The following SARDH variants were observed in gnomAD, a reference collection of about 807,000 sequenced individuals.
SARDH encodes sarcosine dehydrogenase, mitochondrial.
Under a neutral mutation model 109.1 loss-of-function variants are expected in SARDH, and 95 were observed. The ratio of observed to expected loss-of-function variants is 0.87; its 90% CI spans 0.74 to 1.03. The LOEUF (loss-of-function observed/expected upper bound fraction) is 1.03, where lower values mean the gene tolerates loss of function less well. Among genes scored for constraint, SARDH ranks in the 50% least tolerant of loss-of-function variants. The pLI, the probability that SARDH is intolerant of heterozygous loss-of-function variation, is 0.00. For synonymous variants in SARDH, 572 were observed against 534.8 expected, an observed-to-expected ratio of 1.07 and a Z score of -0.96; for missense variants, 1,267 against 1,287.8, an observed-to-expected ratio of 0.98 and a Z score of 0.25.
intron 17 of SARDH, among the ~76,000 whole-genome samples, chr9:133,675,562 C>G (rs1410353727): frequency 1.3e-5 from 2 of 152,092 alleles, no homozygotes; most frequent in East Asian, 1.9e-4. Flanking sequence ...TGTGGAGAAA[C>G]TGGAACCCTT....
intron 1 of SARDH, 21 bp from the exon 2 acceptor site, chr9:133,734,224 G>C: frequency 6.8e-7 from 1 of 1,463,966 alleles, no homozygotes; most frequent in Non-Finnish European, 9.1e-7. Context: ...AATCAGAGCT[G>C]GGTGGGGTGC....
intron 8 of SARDH, 44 bp from the exon 9 acceptor site, chr9:133,713,168 C>T: frequency 6.5e-7 from 1 of 1,548,402 alleles, no homozygotes; most frequent in Middle Eastern, 1.7e-4. Context: ...TTGCAGTGCA[C>T]ATACTCTTGG....
At chr9:133,735,362 G>A (rs73662185) in intron 1 of SARDH, among the ~76,000 whole-genome samples, 4,810 of 152,160 alleles carry the variant, frequency 0.032, 268 homozygotes, top group African/African-American at 0.11. Flanking sequence ...GACCCACCCC[G>A]ACTCCCTCCT....
rs1214030379 is a variant in SARDH at position 133,692,123 on chromosome 9, C to T, written c.1922-1596G>A. On this transcript the variant is annotated intron_variant, in intron 15 of 20. Coordinates refer to ENST00000439388, the MANE Select transcript of SARDH (RefSeq NM_001134707.2). This position sits in a 1 kb window ranked among gnomAD's most constrained non-coding sequence, Gnocchi z 5.0. ...GGCTCAGGGAGGCTGCTCCCCAGCC[C>T]TCCCAGCACCCCCAGACTCTGACTC... is the stretch of plus-strand genomic sequence containing the variant. 1.3e-5 allele frequency among the ~76,000 whole-genome samples: 2 copies of T among 152,318 alleles called. No individual in the cohort carries two copies. The highest frequency in any genetic ancestry group is 2.9e-5 in the Non-Finnish European group (2 of 68,014).
At chr9:133,726,490 G>A (rs960103075) in intron 6 of SARDH, among the ~76,000 whole-genome samples, 1 of 151,986 alleles carries the variant, frequency 6.6e-6, no homozygotes, top group Non-Finnish European at 1.5e-5. Flanking sequence ...GCAGGACAGT[G>A]GGGACACCTG....
intron 3 of SARDH, among the ~76,000 whole-genome samples, chr9:133,731,742 A>C (rs535456968): frequency 1.3e-5 from 2 of 152,238 alleles, no homozygotes; most frequent in South Asian, 4.1e-4. Flanking sequence ...CCTGGGGCAA[A>C]GTCGCTTCAG....
Position 133,666,900 on chromosome 9 carries a change from C to G in SARDH, c.2496-30G>C. 1 of 1,611,296 alleles carries G rather than the reference C, an allele frequency of 6.2e-7. No homozygotes were observed. The highest frequency in any genetic ancestry group is 8.5e-7 in the Non-Finnish European group (1 of 1,179,270). Reference sequence around the variant, plus strand: ...AAGAAGCAGTAGAGAAAGCTGGGGCCCCAGAAACCGCAGGGTGGGGACGCG... The same window carrying G: ...AAGAAGCAGTAGAGAAAGCTGGGGCGCCAGAAACCGCAGGGTGGGGACGCG... On this transcript the variant is annotated intron_variant, in intron 19 of 20. Transcript: ENST00000439388. This position sits in a 1 kb window ranked among gnomAD's most constrained non-coding sequence, Gnocchi z 5.2.
At chr9:133,687,582 C>G (rs1830931140) in intron 16 of SARDH, among the ~76,000 whole-genome samples, 1 of 152,134 alleles carries the variant, frequency 6.6e-6, no homozygotes, top group African/African-American at 2.4e-5. Context: ...AGCCCAGCCT[C>G]TACCAGCACA....
intron 19 of SARDH, 178 bp from the exon 20 acceptor site, chr9:133,667,048 G>T: frequency 2.7e-6 from 2 of 742,046 alleles, no homozygotes; most frequent in South Asian, 3.3e-5. Context: ...ACCTGGCCTG[G>T]ACAGCAGGGC....
chr9:133,727,276 A>G (rs1333218743), intron 6 of SARDH, among the ~76,000 whole-genome samples: 1 of 152,214 alleles, frequency 6.6e-6, no homozygotes, highest in African/African-American at 2.4e-5. Context: ...ACAGCCCTCC[A>G]GCCACCCAAG....
At chr9:133,725,535 G>C (rs945833219) in intron 6 of SARDH, 1 of 439,446 alleles carries the variant, frequency 2.3e-6, no homozygotes, top group African/African-American at 2.0e-5. Context: ...AATCAGCCGG[G>C]TGTGGTGACG....
Position 133,719,012 on chromosome 9 carries a change from A to C in SARDH, c.946T>G (p.Ser316Ala), listed in dbSNP as rs1236572946. The change falls in exon 7 of 21, where the codon TCT becomes GCT. Residue 316 changes from serine (S) to alanine (A), a missense_variant. Physicochemically the swap from Ser to Ala is moderately conservative, Grantham distance 99. Coordinates refer to ENST00000439388, the MANE Select transcript of SARDH (RefSeq NM_001134707.2). ...TCCCCTTGGAGGCGGAGGTAGACAG[A>C]GGCATCATGATCACGGACATTGGGC... is the stretch of plus-strand genomic sequence containing the variant. ...NMPNVRDHDA[S>A]VYLRLQGDAL... 4 of 1,614,070 alleles carry C rather than the reference A, an allele frequency of 2.5e-6. No individual in the cohort carries two copies. Among genetic ancestry groups the C allele is most frequent in the Non-Finnish European group, 2.5e-6 (3 of 1,180,040 alleles).
chr9:133,716,090 G>A (rs1231739240), intron 8 of SARDH, among the ~76,000 whole-genome samples: 1 of 152,200 alleles, frequency 6.6e-6, no homozygotes, highest in South Asian at 2.1e-4. Context: ...TCACGTATCC[G>A]CGGCAGGCCC....
Position 133,670,743 on chromosome 9 carries a change from T to C in SARDH, c.2336A>G (p.His779Arg). Residue 779 changes from histidine to arginine, a missense_variant, in exon 19 of 21, where the codon CAC becomes CGC. Physicochemically the swap from His to Arg is conservative, Grantham distance 29. Coordinates refer to ENST00000439388, the MANE Select transcript of SARDH (RefSeq NM_001134707.2). The part of the protein sequence containing the change: ...DSLSIEKGYR[H>R]WHADLRPDDS... ...GTCTGGCCGCAGGTCCGCGTGCCAG[T>C]GCCGGTAGCCTGTGGGAAGGGAATC... 1 of 1,579,748 alleles carries C rather than the reference T, an allele frequency of 6.3e-7. No homozygotes were observed.
chr9:133,668,305 C>CCCACCT (rs1158272542), intron 19 of SARDH, among the ~76,000 whole-genome samples: 1,418 of 123,360 alleles, frequency 0.011, 33 homozygotes, highest in Admixed American at 0.017. Flanking sequence ...CTCCCTCTCC[C>CCCACCT]TCCCTCTCCC....
chr9:133,679,849 G>A (rs1019548801), intron 17 of SARDH, among the ~76,000 whole-genome samples: 3 of 152,168 alleles, frequency 2.0e-5, no homozygotes, highest in South Asian at 2.1e-4. Context: ...AGCGGCAGGC[G>A]CCCGCTCTCG....
At chr9:133,711,831 C>A (rs975007143) in intron 10 of SARDH, among the ~76,000 whole-genome samples, 3 of 152,192 alleles carry the variant, frequency 2.0e-5, no homozygotes, top group Non-Finnish European at 4.4e-5. Context: ...ACAGCCACCC[C>A]ACAACGCACG....
rs1172894381 is a variant in SARDH, at chr9:133,728,714, T to G, written c.915+1051A>C. Among the ~76,000 whole-genome samples, 4 of 152,148 alleles carry G rather than the reference T, an allele frequency of 2.6e-5. No individual in the cohort carries two copies. The highest frequency in any genetic ancestry group is 9.7e-5 in the African/African-American group (4 of 41,428). On this transcript the variant is annotated intron_variant, in intron 6 of 20. Transcript: ENST00000439388. This position sits in a 1 kb window ranked among gnomAD's most constrained non-coding sequence, Gnocchi z 5.0. The stretch of plus-strand genomic sequence containing the variant: ...TGTCTGTCTGTGTTATGGCCACAGC[T>G]TCTAGAATAGGGCCTGAAACACCAA...
rs1413713098 is a variant in SARDH at position 133,692,767 on chromosome 9, T to TGAGGGAACGAGC, written c.1921+1479_1921+1490dup. On this transcript the variant is annotated intron_variant, in intron 15 of 20. Transcript: ENST00000439388. The surrounding 1 kb of genome is among the most constrained non-coding windows in gnomAD (Gnocchi z 5.0). ...CAGTGCAGGCTCACGTGATGACTGT[T>TGAGGGAACGAGC]GAGGGAACGAGCGAAGGAACGAGCT... 6.6e-6 allele frequency among the ~76,000 whole-genome samples: 1 copy of TGAGGGAACGAGC among 152,118 alleles called. No homozygotes were observed. The highest frequency in any genetic ancestry group is 6.5e-5 in the Admixed American group (1 of 15,288).
Sources: allele counts gnomAD v4.1 joint callset (sites outside exome capture counted in the v4.1 genomes callset), GRCh38; gene constraint gnomAD v4.1.1; non-coding constraint Gnocchi (gnomAD v3.1); transcripts MANE v1.5; gene names NCBI Gene and HGNC (gene_info 2026-07-23, HGNC 2026-07-21).